VDAC1: variants seen among roughly 807,000 people sequenced by gnomAD.
VDAC1 encodes voltage dependent anion channel 1, also known as non-selective voltage-gated ion channel VDAC1.
VDAC1 carries 10 observed loss-of-function variants against 34.7 expected under a neutral mutation model. The observed-to-expected ratio is 0.29, with a 90% confidence interval of 0.18 to 0.49. VDAC1 has a LOEUF of 0.49. Ranked by LOEUF, VDAC1 falls within the 20% of genes least tolerant of loss-of-function variation. The pLI is 0.99. For synonymous variants in VDAC1, 130 were observed against 136.0 expected (o/e 0.96, Z 0.30); for missense variants, 230 against 347.9 (o/e 0.66, Z 2.69).
At chr5:134,092,584 G>A in the VDAC1 span, among the ~76,000 whole-genome samples, 2 of 151,916 alleles carry the variant, frequency 1.3e-5, no homozygotes, top group South Asian at 4.2e-4. Context: ...GCTGAGGCAG[G>A]AGAATCGCTT....
chr5:134,106,414 C>T, the VDAC1 span, among the ~76,000 whole-genome samples: 12 of 146,582 alleles, frequency 8.2e-5, no homozygotes, highest in Admixed American at 6.8e-5. Flanking sequence ...TTGTCATCCT[C>T]TTTTTTTTTT....
the VDAC1 span, among the ~76,000 whole-genome samples, chr5:134,014,820 C>T: frequency 3.3e-5 from 5 of 152,148 alleles, no homozygotes; most frequent in African/African-American, 1.2e-4. Flanking sequence ...GAGCCAAGAT[C>T]GTGCCACTGC....
the VDAC1 span, among the ~76,000 whole-genome samples, chr5:134,110,382 T>C: frequency 6.6e-6 from 1 of 152,184 alleles, no homozygotes; most frequent in African/African-American, 2.4e-5. Context: ...CCTTGCTTCA[T>C]TTTAAGGGCA....
upstream of VDAC1, chr5:134,005,344 T>A (rs1753722892): frequency 6.6e-6 from 1 of 152,112 alleles, no homozygotes. Flanking sequence ...AGATACAGAG[T>A]AGAGGCGGCG....
chr5:133,990,590 G>A (rs1753069330), intron 5 of VDAC1, among the ~76,000 whole-genome samples: 1 of 152,226 alleles, frequency 6.6e-6, no homozygotes, highest in Non-Finnish European at 1.5e-5. Context: ...GATGGGCACA[G>A]GGCCAAGCAC....
chr5:133,993,057 T>C, intron 1 of VDAC1, 39 bp from the exon 2 acceptor site: 2 of 1,555,136 alleles, frequency 1.3e-6, no homozygotes, highest in South Asian at 1.2e-5. Context: ...GCATTGATAA[T>C]TAGGGAAATT....
chr5:134,030,294 C>T, the VDAC1 span, among the ~76,000 whole-genome samples: 3 of 151,488 alleles, frequency 2.0e-5, no homozygotes, highest in South Asian at 2.1e-4. Flanking sequence ...TGAGCAAGAT[C>T]GTGCCATTAT....
the VDAC1 span, among the ~76,000 whole-genome samples, chr5:134,052,710 G>A: frequency 6.6e-6 from 1 of 152,194 alleles, no homozygotes; most frequent in African/African-American, 2.4e-5. Flanking sequence ...TCCACTTCCT[G>A]AGCACTGCCA....
chr5:133,987,862 C>T (rs1288913627), intron 5 of VDAC1, among the ~76,000 whole-genome samples: 1 of 152,212 alleles, frequency 6.6e-6, no homozygotes, highest in African/African-American at 2.4e-5. Flanking sequence ...ATGAGGCCTA[C>T]TGATATATTC....
chr5:134,045,738 C>T, the VDAC1 span, among the ~76,000 whole-genome samples: 1 of 151,586 alleles, frequency 6.6e-6, no homozygotes, highest in African/African-American at 2.4e-5. Flanking sequence ...TGCAATGGTG[C>T]GATCCTGGCT....
At chr5:134,064,686 C>T in the VDAC1 span, among the ~76,000 whole-genome samples, 9 of 150,684 alleles carry the variant, frequency 6.0e-5, no homozygotes, top group Admixed American at 2.0e-4. Context: ...ATAGAACTAA[C>T]ATAAAACTAT....
chr5:134,038,686 A>T, the VDAC1 span, among the ~76,000 whole-genome samples: 2 of 152,232 alleles, frequency 1.3e-5, no homozygotes, highest in East Asian at 3.8e-4. Context: ...GCTCAAATAC[A>T]TTCCTCACCA....
At chr5:134,102,162 C>T in the VDAC1 span, among the ~76,000 whole-genome samples, 3 of 152,082 alleles carry the variant, frequency 2.0e-5, no homozygotes, top group African/African-American at 7.2e-5. Flanking sequence ...CAAATCCAGC[C>T]ACCAGGGGGG....
At chr5:134,109,248 C>T in the VDAC1 span, among the ~76,000 whole-genome samples, 3 of 152,150 alleles carry the variant, frequency 2.0e-5, no homozygotes, top group African/African-American at 4.8e-5. Flanking sequence ...TCTTAAAAAG[C>T]GATATTGAAT....
At chr5:133,984,968 G>A (rs994448497) in intron 5 of VDAC1, among the ~76,000 whole-genome samples, 1 of 152,114 alleles carries the variant, frequency 6.6e-6, no homozygotes, top group Non-Finnish European at 1.5e-5. Context: ...AAAAAGTAAA[G>A]ATGCTTATCT....
chr5:134,025,185 T>C, the VDAC1 span, among the ~76,000 whole-genome samples: 4 of 152,328 alleles, frequency 2.6e-5, no homozygotes, highest in South Asian at 8.3e-4. Context: ...CATCTGCTTC[T>C]GGCATGGCCC....
At chr5:134,072,983 G>A in the VDAC1 span, among the ~76,000 whole-genome samples, 88 of 152,294 alleles carry the variant, frequency 5.8e-4, 2 homozygotes, top group Admixed American at 3.9e-4. Context: ...GGAAGAATGG[G>A]GTGAGTCGCT....
At chr5:134,083,314 G>A in the VDAC1 span, among the ~76,000 whole-genome samples, 5,704 of 150,422 alleles carry the variant, frequency 0.038, 166 homozygotes, top group Non-Finnish European at 0.056. Flanking sequence ...TCAGCCTCCC[G>A]AGTAGCTGGG....
In VDAC1 at chr5:133,972,538, A is replaced by G. The variant is rs1752337964; in HGVS notation, c.*233T>C. On this transcript the variant is annotated 3_prime_UTR_variant, in exon 9 of 9. Transcript: ENST00000265333. ...GATAAAAAAGAAACCTGGCATCTCAAAGGGGCCACCAAGTTCTCCCCGAGT... is the reference window on the plus strand; with the variant it reads ...GATAAAAAAGAAACCTGGCATCTCAGAGGGGCCACCAAGTTCTCCCCGAGT... 1 of 444,706 alleles carries G rather than the reference A, an allele frequency of 2.2e-6. No individual in the cohort carries two copies. The highest frequency in any genetic ancestry group is 2.0e-5 in the African/African-American group (1 of 49,330). 27.5% of individuals were successfully genotyped at this position (444,706 alleles called of 1,614,324 possible).
Sources: gnomAD v4.1 joint callset for allele counts (sites outside exome capture counted in the v4.1 genomes callset) on GRCh38, gnomAD v4.1.1 for gene constraint, MANE v1.5 for transcripts, NCBI Gene and HGNC (gene_info 2026-07-23, HGNC 2026-07-21) for gene names.